Variants in APIP observed in about 807,000 individuals in gnomAD.
APIP encodes the protein methylthioribulose-1-phosphate dehydratase.
A neutral mutation model predicts 32.0 loss-of-function variants in APIP; 32 were observed. The observed-to-expected ratio is 1.00, with a 90% CI of 0.76 to 1.34. APIP has a LOEUF of 1.34. Among genes scored for constraint, APIP ranks in the 40% most tolerant of loss-of-function variants. APIP has a pLI of 0.00. For missense variants in APIP, 247 were observed against 298.6 expected (o/e 0.83, Z 1.27); for synonymous variants, 92 against 94.8 (o/e 0.97, Z 0.17).
intron 1 of APIP, among the ~76,000 whole-genome samples, chr11:34,899,527 T>C (rs1232212960): frequency 1.3e-5 from 2 of 152,230 alleles, no homozygotes; most frequent in Admixed American, 6.5e-5. Context: ...TGCTTTAGCA[T>C]GGGCCATAAT....
intron 2 of APIP, 57 bp from the exon 3 acceptor site, chr11:34,890,609 A>C: frequency 6.3e-7 from 1 of 1,579,054 alleles, no homozygotes. Flanking sequence ...TTGCACAAAG[A>C]AAAGTTTGCA....
intron 1 of APIP, among the ~76,000 whole-genome samples, chr11:34,906,398 G>A (rs1249658060): frequency 4.6e-5 from 7 of 152,216 alleles, no homozygotes; most frequent in Admixed American, 4.6e-4. Flanking sequence ...AACTGAAAGA[G>A]CAGACTGGGG....
intron 1 of APIP, among the ~76,000 whole-genome samples, chr11:34,907,013 T>A (rs1351602052): frequency 6.6e-6 from 1 of 152,190 alleles, no homozygotes; most frequent in Non-Finnish European, 1.5e-5. Context: ...GACCCTTAGA[T>A]CAACCCCAGG....
intron 2 of APIP, 128 bp downstream of exon 2, chr11:34,894,882 T>C (rs1174002428): frequency 2.0e-5 from 16 of 793,496 alleles, no homozygotes; most frequent in Non-Finnish European, 3.3e-5. Context: ...ACTTGTCCAT[T>C]TAGAAACTAA....
In APIP at chr11:34,892,190, A is replaced by T. The variant is rs559144627; in HGVS notation, c.159-1638T>A. Among the ~76,000 whole-genome samples the T allele has an allele frequency of 5.3e-5, 8 of 152,320 alleles. No individual in the cohort carries two copies. In the South Asian group the frequency reaches 1.7e-3, roughly 32 times the overall value. On this transcript the variant is annotated intron_variant, in intron 2 of 6. Transcript: ENST00000395787. ...TATATTTACACCTACAAAGAAAGAG[A>T]TATCTGGATAAAAATATAAAAATGA... is the stretch of plus-strand genomic sequence containing the variant.
chr11:34,916,099 A>C, intron 1 of APIP, 129 bp downstream of exon 1: 1 of 1,240,378 alleles, frequency 8.1e-7, no homozygotes, highest in Non-Finnish European at 1.1e-6. Flanking sequence ...GGGGTAGCGA[A>C]CGGCCAGGCC....
chr11:34,884,638 T>G (rs531780093), intron 5 of APIP, among the ~76,000 whole-genome samples: 2 of 151,826 alleles, frequency 1.3e-5, no homozygotes, highest in East Asian at 3.9e-4. Context: ...GGTGAGAGAA[T>G]GGCTTGAGCC....
chr11:34,893,520 T>C (rs561156296), intron 2 of APIP, among the ~76,000 whole-genome samples: 133 of 152,336 alleles, frequency 8.7e-4, no homozygotes, highest in African/African-American at 3.1e-3. Flanking sequence ...TTGCTGTGAA[T>C]AGGCCATCTT....
At chr11:34,896,844 C>G (rs1016327594) in intron 1 of APIP, 1 of 1,278,158 alleles carries the variant, frequency 7.8e-7, no homozygotes, top group East Asian at 5.6e-5. Flanking sequence ...ATTTTGATAG[C>G]CATGTAAGCC....
At position 34,916,286 on chromosome 11, in the gene APIP, G is replaced by A; in HGVS notation, c.-2C>T. ...CTCCCGAGCATCACAGCCAGACATG[G>A]CCCAGACCAGGGACCCGCGCGGCCT... On this transcript the variant is annotated 5_prime_UTR_variant, in exon 1 of 7. Transcript: ENST00000395787. 3 of 1,612,184 alleles carry A rather than the reference G, an allele frequency of 1.9e-6. No homozygotes were observed. Among genetic ancestry groups the A allele is most frequent in the African/African-American group, 1.3e-5 (1 of 75,032 alleles).
intron 2 of APIP, among the ~76,000 whole-genome samples, chr11:34,892,038 G>A (rs1334525912): frequency 1.3e-5 from 2 of 152,228 alleles, no homozygotes; most frequent in East Asian, 3.9e-4. Flanking sequence ...TATAAAGTAG[G>A]AAAACCAAGG....
chr11:34,896,143 C>G (rs934389128), intron 1 of APIP, among the ~76,000 whole-genome samples: 8 of 152,178 alleles, frequency 5.3e-5, no homozygotes, highest in Non-Finnish European at 8.8e-5. Flanking sequence ...TGCTTTTACA[C>G]TGTTGGTGGG....
chr11:34,893,885 TGAC>T (rs1565135038), intron 2 of APIP, among the ~76,000 whole-genome samples: 2 of 152,258 alleles, frequency 1.3e-5, no homozygotes, highest in East Asian at 3.8e-4. Context: ...CTTGGGGGCA[TGAC>T]TATATATATT....
intron 2 of APIP, 79 bp from the exon 3 acceptor site, chr11:34,890,631 C>G: frequency 1.4e-6 from 2 of 1,453,114 alleles, no homozygotes; most frequent in South Asian, 2.4e-5. Context: ...TCCAATCATG[C>G]ATGTTCTTTA....
chr11:34,914,561 A>C lies in APIP; in HGVS notation c.57+1667T>G, dbSNP rs201237456. On this transcript the variant is annotated intron_variant, in intron 1 of 6. Transcript: ENST00000395787. ...TAACTAGATATGCAAATCCAGTGTG[A>C]GTAGTGGAAGCTGTGGTAACCTGGC... is the stretch of plus-strand genomic sequence containing the variant. 2.6e-5 allele frequency among the ~76,000 whole-genome samples: 4 copies of C among 152,192 alleles called. No individual in the cohort carries two copies. In the East Asian group the frequency reaches 5.8e-4, roughly 22 times the overall value.
intron 1 of APIP, among the ~76,000 whole-genome samples, chr11:34,906,693 G>C (rs1853464080): frequency 6.6e-6 from 1 of 152,052 alleles, no homozygotes; most frequent in African/African-American, 2.4e-5. Flanking sequence ...TGCTGCTTCT[G>C]GATTAACACC....
chr11:34,898,723 G>A (rs1853321882), intron 1 of APIP, among the ~76,000 whole-genome samples: 1 of 150,172 alleles, frequency 6.7e-6, no homozygotes, highest in African/African-American at 2.4e-5. Context: ...GGTCTGGAGA[G>A]TGCATGGCAT....
chr11:34,895,437 G>T (rs1469754428), intron 1 of APIP, among the ~76,000 whole-genome samples: 2 of 152,134 alleles, frequency 1.3e-5, no homozygotes, highest in Non-Finnish European at 2.9e-5. Flanking sequence ...AGAATCTCAT[G>T]CTGAAGGAAC....
chr11:34,896,868 G>C (rs1853281748), intron 1 of APIP: 3 of 1,233,394 alleles, frequency 2.4e-6, no homozygotes, highest in South Asian at 2.5e-5. Context: ...AGAAGCATGA[G>C]ACAAAACCCA....
Sources: allele counts gnomAD v4.1 joint callset (sites outside exome capture counted in the v4.1 genomes callset), GRCh38; gene constraint gnomAD v4.1.1; transcripts MANE v1.5; gene names NCBI Gene and HGNC (gene_info 2026-07-23, HGNC 2026-07-21).